Variants in METTL8 observed in about 807,000 individuals in gnomAD.
METTL8 encodes tRNA N(3)-cytidine methyltransferase METTL8, mitochondrial.
Under a neutral mutation model 48.7 loss-of-function variants are expected in METTL8, and 32 were observed. The observed-to-expected ratio is 0.66, with a 90% CI of 0.50 to 0.88. The LOEUF (loss-of-function observed/expected upper bound fraction) is 0.88, where lower values mean the gene tolerates loss of function less well. Among genes scored for constraint, METTL8 ranks in the 40% least tolerant of loss-of-function variants. The pLI is 0.00. For synonymous variants in METTL8, 136 were observed against 157.1 expected (o/e 0.87, Z 1.01); for missense variants, 464 against 474.4 (o/e 0.98, Z 0.20).
chr2:171,405,726 A>C (rs1389713165), intron 1 of METTL8, among the ~76,000 whole-genome samples: 1 of 152,210 alleles, frequency 6.6e-6, no homozygotes, highest in Non-Finnish European at 1.5e-5. Flanking sequence ...TTTTGAGAAT[A>C]AGTAGGCCAA....
chr2:171,378,743 C>A (rs916767645), intron 2 of METTL8, among the ~76,000 whole-genome samples: 3 of 152,126 alleles, frequency 2.0e-5, no homozygotes, highest in Admixed American at 6.5e-5. Context: ...TACAGGAGCA[C>A]CCAGATTCAT....
chr2:171,334,820 G>C (rs527319241), intron 5 of METTL8, among the ~76,000 whole-genome samples: 1 of 152,142 alleles, frequency 6.6e-6, no homozygotes, highest in Non-Finnish European at 1.5e-5. Context: ...ACTAGCAAGT[G>C]GGGGAATGAG....
At chr2:171,381,540 G>C (rs543923434) in intron 2 of METTL8, among the ~76,000 whole-genome samples, 76 of 151,814 alleles carry the variant, frequency 5.0e-4, no homozygotes, top group African/African-American at 1.8e-3. Flanking sequence ...AATCTACAAG[G>C]TATTTAAACA....
At chr2:171,421,146 C>T (rs1221787297) in intron 1 of METTL8, among the ~76,000 whole-genome samples, 1 of 152,140 alleles carries the variant, frequency 6.6e-6, no homozygotes, top group Non-Finnish European at 1.5e-5. Flanking sequence ...GAAAAAATCC[C>T]CTAAACCCTA....
At chr2:171,400,048 T>A (rs78356195) in intron 1 of METTL8, among the ~76,000 whole-genome samples, 11,559 of 151,990 alleles carry the variant, frequency 0.076, 526 homozygotes, top group Middle Eastern at 0.16. Flanking sequence ...CATTTTTTTT[T>A]AAAAAAGTTA....
intron 3 of METTL8, among the ~76,000 whole-genome samples, chr2:171,356,643 T>G (rs1450133335): frequency 6.6e-6 from 1 of 152,068 alleles, no homozygotes; most frequent in Non-Finnish European, 1.5e-5. Flanking sequence ...CTCCCACATA[T>G]GGATGAGAAC....
At position 171,317,322 on chromosome 2, in the gene METTL8, A is replaced by G. The variant is rs889220699; in HGVS notation, c.*6850T>C. ...CAATGGATTGAAAATATTTGGCCAA[A>G]TAATTTTTATAAGCATAACAAAATT... On this transcript the variant is annotated 3_prime_UTR_variant, in exon 10 of 10. Coordinates refer to ENST00000375258, the MANE Select transcript of METTL8 (RefSeq NM_001321154.2). 2 of 152,248 alleles carry G rather than the reference A, an allele frequency of 1.3e-5. No individual in the cohort carries two copies. The highest frequency in any genetic ancestry group is 4.8e-5 in the African/African-American group (2 of 41,460). The allele number at this position is 152,248 out of a possible 1,614,324, so 9.4% of individuals were successfully genotyped here.
intron 1 of METTL8, among the ~76,000 whole-genome samples, chr2:171,398,265 A>G (rs549589997): frequency 6.6e-6 from 1 of 152,338 alleles, no homozygotes; most frequent in East Asian, 1.9e-4. Context: ...AGATAAATGG[A>G]TAAACAAAAT....
Position 171,339,498 on chromosome 2 carries a change from T to C in METTL8, c.292A>G (p.Asn98Asp), listed in dbSNP as rs1374313559. The C allele has an allele frequency of 6.2e-7, 1 of 1,609,348 alleles. No individual in the cohort carries two copies. The stretch of plus-strand genomic sequence containing the variant: ...CAATTACGATCCTTGAAAAACTTAT[T>C]CTTATGAATCTTGTAAAATGTGTCC... Reference protein sequence around the residue: ...YWDTFYKIHKNKFFKDRNWLL... With the variant: ...YWDTFYKIHKDKFFKDRNWLL... The change falls in exon 4 of 10, where the codon AAT becomes GAT. Residue 98 changes from asparagine to aspartate, a missense_variant. By Grantham distance (23) the Asn-to-Asp change is conservative. Coordinates refer to ENST00000375258, the MANE Select transcript of METTL8 (RefSeq NM_001321154.2).
In METTL8 at chr2:171,316,264, C is replaced by A. The variant is rs1320373165; in HGVS notation, c.*7908G>T. The stretch of plus-strand genomic sequence containing the variant: ...GCATGGGGCTGCCGGGCACCCAGCT[C>A]CTTTCCTGTGGGTAGAAAACAAGTC... On this transcript the variant is annotated 3_prime_UTR_variant, in exon 10 of 10. Transcript: ENST00000375258. Among the ~76,000 whole-genome samples, 1 of 152,206 alleles carries A rather than the reference C, an allele frequency of 6.6e-6. No homozygotes were observed. Among genetic ancestry groups the A allele is most frequent in the Non-Finnish European group, 1.5e-5 (1 of 68,042 alleles).
chr2:171,423,545 C>A (rs1280761749), intron 1 of METTL8, among the ~76,000 whole-genome samples: 2 of 152,116 alleles, frequency 1.3e-5, no homozygotes. Flanking sequence ...TAGAGCCCCC[C>A]ACCTGAGGTC....
At chr2:171,329,363 T>C (rs1471905545) in intron 7 of METTL8, among the ~76,000 whole-genome samples, 1 of 152,364 alleles carries the variant, frequency 6.6e-6, no homozygotes, top group East Asian at 1.9e-4. Flanking sequence ...AATAGTCTTT[T>C]TGTGGTTATA....
intron 1 of METTL8, among the ~76,000 whole-genome samples, chr2:171,425,034 T>C (rs1012753434): frequency 3.3e-5 from 5 of 152,118 alleles, no homozygotes; most frequent in Non-Finnish European, 7.4e-5. Context: ...TGAGATCTGA[T>C]GGTTTTATAA....
At chr2:171,403,418 C>T (rs1351338550) in intron 1 of METTL8, among the ~76,000 whole-genome samples, 2 of 152,022 alleles carry the variant, frequency 1.3e-5, no homozygotes, top group Non-Finnish European at 2.9e-5. Context: ...CTAATACTCC[C>T]CAAACTGTCA....
At chr2:171,429,697 A>C (rs1692784517) in intron 1 of METTL8, among the ~76,000 whole-genome samples, 1 of 152,224 alleles carries the variant, frequency 6.6e-6, no homozygotes, top group African/African-American at 2.4e-5. Flanking sequence ...CATACTAAAA[A>C]GGTTTTAAGT....
In METTL8 at chr2:171,354,247, A is replaced by G. The variant is rs1278223721; in HGVS notation, c.235+6175T>C. Among the ~76,000 whole-genome samples the G allele has an allele frequency of 2.6e-5, 4 of 152,254 alleles. No individual in the cohort carries two copies. The East Asian group carries it at 7.7e-4, about 29-fold the overall frequency. ...TAGTTTGGCTGGATATGAAATTCTG[A>G]GTTGAAAGTTCTTTTCTTTAAGAAT... On this transcript the variant is annotated intron_variant, in intron 3 of 9. Transcript: ENST00000375258.
At chr2:171,434,246 G>A (rs371179981), upstream of METTL8, 14 of 472,904 alleles carry the variant, frequency 3.0e-5, 1 homozygote, top group African/African-American at 2.8e-4. Flanking sequence ...GCTGCCTCAC[G>A]AGGCACTAGG....
chr2:171,419,015 C>T (rs1638606170), intron 1 of METTL8, among the ~76,000 whole-genome samples: 1 of 148,334 alleles, frequency 6.7e-6, no homozygotes. Context: ...GAGTGAGACC[C>T]TGTCTCAAAA....
At chr2:171,370,421 A>G (rs1437739817) in intron 2 of METTL8, among the ~76,000 whole-genome samples, 1 of 152,224 alleles carries the variant, frequency 6.6e-6, no homozygotes, top group African/African-American at 2.4e-5. Flanking sequence ...TCTATAGGTT[A>G]GCCCTGATGT....
Sources: gnomAD v4.1 joint callset for allele counts (sites outside exome capture counted in the v4.1 genomes callset) on GRCh38, gnomAD v4.1.1 for gene constraint, MANE v1.5 for transcripts, NCBI Gene and HGNC (gene_info 2026-07-23, HGNC 2026-07-21) for gene names.